PKHD1: variants seen among roughly 807,000 people sequenced by gnomAD.
The protein encoded by PKHD1 is fibrocystin.
In PKHD1, 291 loss-of-function variants were observed where a neutral mutation model predicts 412.0. The observed-to-expected ratio is 0.71, with a 90% CI of 0.64 to 0.78. The LOEUF is 0.78. PKHD1 is among the 30% of genes least tolerant of loss of function. PKHD1 has a pLI of 0.00. For synonymous variants in PKHD1, 1,777 were observed against 1,821.5 expected, an observed-to-expected ratio of 0.98 and a Z score of 0.62; for missense variants, 4,825 against 4,950.7, an observed-to-expected ratio of 0.97 and a Z score of 0.76.
intron 34 of PKHD1, among the ~76,000 whole-genome samples, chr6:52,014,683 G>A (rs983036000): frequency 2.8e-5 from 4 of 144,650 alleles, no homozygotes; most frequent in African/African-American, 1.0e-4. Context: ...ATGGATGGAT[G>A]GATGAATATA....
At chr6:51,765,263 A>G (rs987086910) in intron 55 of PKHD1, among the ~76,000 whole-genome samples, 3 of 145,710 alleles carry the variant, frequency 2.1e-5, no homozygotes, top group African/African-American at 8.5e-5. Flanking sequence ...TCTGGCCTCA[A>G]CTGGCCTCCT....
At chr6:52,044,915 A>C in intron 25 of PKHD1, 51 bp downstream of exon 25, 1 of 1,604,586 alleles carries the variant, frequency 6.2e-7, no homozygotes, top group Non-Finnish European at 8.5e-7. Flanking sequence ...GTGAGGAGTG[A>C]GTTAGACTTG....
At chr6:51,631,894 GGAGAA>G (rs1170677734) in intron 65 of PKHD1, among the ~76,000 whole-genome samples, 3 of 150,570 alleles carry the variant, frequency 2.0e-5, no homozygotes, top group African/African-American at 7.3e-5. Context: ...CCCTTTTAAA[GGAGAA>G]GAGGAGAGGA....
rs9474136 is a variant in PKHD1, at chr6:52,046,133, G to A, written c.2463C>T (p.Ala821=). The A allele has an allele frequency of 2.9e-5, 46 of 1,613,420 alleles. No homozygotes were observed. Among genetic ancestry groups the A allele is most frequent in the African/African-American group, 2.5e-4 (19 of 74,988 alleles). ...TGAGGTACCTGGATGTGAAGTCATCGGCATTATTCTGTAAGAGCTGGTGAA... is the reference window on the plus strand; with the variant it reads ...TGAGGTACCTGGATGTGAAGTCATCAGCATTATTCTGTAAGAGCTGGTGAA... ...HHLHQLLQNN[A]DDFTSRYLNA... is the part of the protein sequence containing the mutation. Residue 821 remains alanine (A), a synonymous_variant, in exon 24 of 67, where the codon GCC becomes GCT. Coordinates refer to ENST00000371117, the MANE Select transcript of PKHD1 (RefSeq NM_138694.4).
intron 37 of PKHD1, among the ~76,000 whole-genome samples, chr6:51,922,470 C>T (rs1784852132): frequency 6.6e-6 from 1 of 152,228 alleles, no homozygotes; most frequent in Admixed American, 6.5e-5. Context: ...CTACTCTCTT[C>T]AAAGCTGTCA....
intron 48 of PKHD1, among the ~76,000 whole-genome samples, chr6:51,860,771 G>A (rs530366787): frequency 6.6e-6 from 1 of 151,858 alleles, no homozygotes; most frequent in East Asian, 1.9e-4. Flanking sequence ...TTTTCTGTGG[G>A]CTGTCTTAAT....
intron 66 of PKHD1, among the ~76,000 whole-genome samples, chr6:51,623,461 A>G (rs1454389407): frequency 1.3e-5 from 2 of 152,194 alleles, no homozygotes; most frequent in African/African-American, 4.8e-5. Context: ...TGAGTGAGTT[A>G]TTCAAAATAT....
chr6:51,868,178 G>T, intron 47 of PKHD1, 69 bp from the exon 48 acceptor site: 2 of 1,294,566 alleles, frequency 1.5e-6, no homozygotes, highest in Non-Finnish European at 2.2e-6. Context: ...CTGGAGTGAT[G>T]GTCTTAGGAT....
intron 52 of PKHD1, among the ~76,000 whole-genome samples, chr6:51,795,294 G>A (rs962351613): frequency 1.3e-5 from 2 of 152,156 alleles, no homozygotes; most frequent in African/African-American, 4.8e-5. Context: ...TGGCAATTGT[G>A]AATGGGAGTT....
chr6:52,083,512 T>C (rs1022223458), intron 2 of PKHD1, among the ~76,000 whole-genome samples: 8 of 152,162 alleles, frequency 5.3e-5, no homozygotes, highest in Non-Finnish European at 1.2e-4. Context: ...TTTTGACAAA[T>C]TCTTCTTATC....
At position 51,659,783 on chromosome 6, in the gene PKHD1, A is replaced by G; in HGVS notation, c.10343T>C (p.Ile3448Thr). 6.2e-7 allele frequency: 1 copy of G among 1,613,744 alleles called. No homozygotes were observed. Reference protein sequence around the residue: ...VDVFSSVNANIPCSTSGSVST... With the variant: ...VDVFSSVNANTPCSTSGSVST... ...CACTGACCCAGAAGTAGAGCAGGGA[A>G]TATTGGCATTTACACTGCTAAAGAC... The change falls in exon 61 of 67, where the codon ATT (isoleucine) becomes ACT (threonine). Residue 3448 changes from isoleucine to threonine, a missense_variant. Physicochemically the swap from Ile to Thr is moderately conservative, Grantham distance 89. Transcript: ENST00000371117.
At chr6:51,968,798 G>A (rs184842491) in intron 35 of PKHD1, among the ~76,000 whole-genome samples, 1 of 152,268 alleles carries the variant, frequency 6.6e-6, no homozygotes, top group East Asian at 1.9e-4. Context: ...AATGCCAGCA[G>A]GAGAAACGTT....
intron 52 of PKHD1, among the ~76,000 whole-genome samples, chr6:51,795,379 T>C (rs1368853596): frequency 6.6e-6 from 1 of 152,256 alleles, no homozygotes; most frequent in Admixed American, 6.5e-5. Context: ...ATTGATTTTG[T>C]ATCCTGAGAT....
In PKHD1 at chr6:51,748,669, T is replaced by A. The variant is rs2150987649; in HGVS notation, c.8951-4A>T. Reference sequence around the variant, plus strand: ...ACATTAAGAAGTTGAAGGACACCTATAAACAAATGCATGTCATCAGGTACT... The same window carrying A: ...ACATTAAGAAGTTGAAGGACACCTAAAAACAAATGCATGTCATCAGGTACT... On this transcript the variant is annotated splice_polypyrimidine_tract_variant and splice_region_variant and intron_variant, in intron 57 of 66. Coordinates refer to ENST00000371117, the MANE Select transcript of PKHD1 (RefSeq NM_138694.4). 6.2e-7 allele frequency: 1 copy of A among 1,613,244 alleles called. No individual in the cohort carries two copies. The highest frequency in any genetic ancestry group is 8.5e-7 in the Non-Finnish European group (1 of 1,179,410).
At chr6:52,055,813 T>C in intron 18 of PKHD1, 84 bp from the exon 19 acceptor site, 2 of 1,442,804 alleles carry the variant, frequency 1.4e-6, no homozygotes, top group Non-Finnish European at 1.9e-6. Flanking sequence ...ATGAGGATTT[T>C]AGAGTATCTC....
intron 45 of PKHD1, among the ~76,000 whole-genome samples, chr6:51,885,193 A>T (rs1778018072): frequency 6.6e-6 from 1 of 152,204 alleles, no homozygotes; most frequent in Non-Finnish European, 1.5e-5. Flanking sequence ...TAATTTTTAC[A>T]TGTTGCTGTT....
At chr6:51,626,111 T>G (rs1767200786) in intron 66 of PKHD1, among the ~76,000 whole-genome samples, 2 of 151,968 alleles carry the variant, frequency 1.3e-5, no homozygotes, top group African/African-American at 2.4e-5. Context: ...CATGTGTGCA[T>G]GCACACACAC....
At chr6:51,620,965 G>T (rs1246492114) in intron 66 of PKHD1, among the ~76,000 whole-genome samples, 1 of 151,934 alleles carries the variant, frequency 6.6e-6, no homozygotes, top group African/African-American at 2.4e-5. Context: ...ATCTTCTACA[G>T]CCATCAAACT....
At position 52,058,456 on chromosome 6, in the gene PKHD1, C is replaced by G; in HGVS notation, c.1379G>C (p.Gly460Ala). 1 of 1,614,162 alleles carries G rather than the reference C, an allele frequency of 6.2e-7. No homozygotes were observed. The highest frequency in any genetic ancestry group is 1.1e-5 in the South Asian group (1 of 91,078). ...AMYYLEAEHHGIAPSRGMRIG... is the reference protein window; with the variant it reads ...AMYYLEAEHHAIAPSRGMRIG... ...CCTCATCCCCCTGCTTGGGGCTATC[C>G]CATGATGCTCTGCTTCCAGGTAGTA... Residue 460 changes from glycine (G) to alanine (A), a missense_variant, in exon 16 of 67, where the codon GGG becomes GCG. Coordinates refer to ENST00000371117, the MANE Select transcript of PKHD1 (RefSeq NM_138694.4).
Sources: gnomAD v4.1 joint callset for allele counts (sites outside exome capture counted in the v4.1 genomes callset) on GRCh38, gnomAD v4.1.1 for gene constraint, MANE v1.5 for transcripts, NCBI Gene and HGNC (gene_info 2026-07-23, HGNC 2026-07-21) for gene names.